SP140: variants seen among roughly 807,000 people sequenced by gnomAD.
SP140 encodes SP140 nuclear body protein, also known as nuclear body protein SP140.
A neutral mutation model predicts 125.0 loss-of-function variants in SP140; 81 were observed. The observed-to-expected ratio is 0.65, with a 90% confidence interval of 0.54 to 0.78. The LOEUF (loss-of-function observed/expected upper bound fraction) is 0.78, where lower values mean the gene tolerates loss of function less well. Ranked by LOEUF, SP140 falls within the 30% of genes least tolerant of loss-of-function variation. SP140 has a pLI of 0.00. For synonymous variants in SP140, 312 were observed against 354.0 expected (o/e 0.88, Z 1.33); for missense variants, 858 against 1,037.0 (o/e 0.83, Z 2.37).
upstream of SP140, chr2:230,201,093 A>G (rs1024141677): frequency 7.9e-6 from 6 of 761,722 alleles, no homozygotes; most frequent in Admixed American, 9.3e-5. Flanking sequence ...CCTCCTAACA[A>G]TGCATCTACC....
chr2:230,246,995 A>G (rs1035535292), intron 7 of SP140, among the ~76,000 whole-genome samples: 24 of 152,130 alleles, frequency 1.6e-4, no homozygotes, highest in African/African-American at 5.8e-4. Context: ...CTAGACAGAA[A>G]TAACTTCTGG....
intron 15 of SP140, among the ~76,000 whole-genome samples, chr2:230,284,049 G>C (rs2056017627): frequency 6.6e-6 from 1 of 152,156 alleles, no homozygotes. Flanking sequence ...AAAGCAACAT[G>C]AAACAGCAGT....
intron 3 of SP140, among the ~76,000 whole-genome samples, chr2:230,240,064 A>C (rs1376277756): frequency 6.6e-6 from 1 of 152,196 alleles, no homozygotes; most frequent in African/African-American, 2.4e-5. Context: ...CTATGAGTAG[A>C]AATGTGAGAA....
rs769440433 is a variant in SP140, at chr2:230,225,805, G to A, written c.-40G>A. ...CCTCAGAGCTGCAGGAAGGAACGGG[G>A]CAGTGAAAATCGAATCGGGTGTGAT... is the stretch of plus-strand genomic sequence containing the variant. On this transcript the variant is annotated 5_prime_UTR_variant, in exon 1 of 27. Coordinates refer to ENST00000392045, the MANE Select transcript of SP140 (RefSeq NM_007237.5). The A allele has an allele frequency of 2.0e-5, 32 of 1,565,276 alleles. No individual in the cohort carries two copies. The highest frequency in any genetic ancestry group is 3.3e-4 in the Middle Eastern group (2 of 5,978).
At chr2:230,278,479 T>C (rs2055044455) in intron 15 of SP140, among the ~76,000 whole-genome samples, 1 of 152,246 alleles carries the variant, frequency 6.6e-6, no homozygotes, top group South Asian at 2.1e-4. Context: ...TTATTTCATT[T>C]GCTGTACAAA....
intron 21 of SP140, among the ~76,000 whole-genome samples, chr2:230,295,568 G>A (rs2057623335): frequency 1.3e-5 from 2 of 152,164 alleles, no homozygotes; most frequent in Non-Finnish European, 2.9e-5. Context: ...TCTATATGTT[G>A]TGTCTCCTCA....
the SP140 span, among the ~76,000 whole-genome samples, chr2:230,187,164 A>AT: frequency 2.7e-4 from 41 of 150,576 alleles, 1 homozygote; most frequent in Middle Eastern, 0.017. Context: ...GTTAACATCT[A>AT]TTTTTTTTTG....
chr2:230,255,471 G>A lies in SP140; in HGVS notation c.1179G>A (p.Ser393=), dbSNP rs774513983. The stretch of plus-strand genomic sequence containing the variant: ...CTGCAGAGGGCAGTGATGACTGTTC[G>A]GAAATGTGTGATGGAGAAGAGCGCC... ...GEGEEGSDDC[S]EMCDGEERQE... is the part of the protein sequence containing the mutation. The change falls in exon 12 of 27, where the codon TCG becomes TCA. Residue 393 remains serine (S), a synonymous_variant. Coordinates refer to ENST00000392045, the MANE Select transcript of SP140 (RefSeq NM_007237.5). 7.3e-5 allele frequency: 118 copies of A among 1,613,846 alleles called. 1 individual carries two copies. The highest frequency in any genetic ancestry group is 4.7e-4 in the Admixed American group (28 of 60,002).
chr2:230,237,219 G>A lies in SP140; in HGVS notation c.196G>A (p.Gly66Ser), dbSNP rs755683857. Residue 66 changes from glycine (G) to serine (S), a missense_variant, in exon 2 of 27, where the codon GGC (glycine) becomes AGC (serine). Coordinates refer to ENST00000392045, the MANE Select transcript of SP140 (RefSeq NM_007237.5). The surrounding 1 kb of genome is among the most constrained non-coding windows in gnomAD (Gnocchi z 5.4). Reference protein sequence around the residue: ...AITRPFPFLMGLRDRSFISEQ... With the variant: ...AITRPFPFLMSLRDRSFISEQ... ...AACAAGGCCATTTCCTTTCCTTATG[G>A]GCCTCCGAGACCGCTCCTTCATCTC... The A allele has an allele frequency of 6.2e-7, 1 of 1,611,616 alleles. No homozygotes were observed. Among genetic ancestry groups the A allele is most frequent in the Admixed American group, 1.7e-5 (1 of 58,988 alleles).
chr2:230,280,585 A>G (rs963245617), intron 15 of SP140, among the ~76,000 whole-genome samples: 5 of 152,042 alleles, frequency 3.3e-5, no homozygotes. Context: ...ATGGATTGGT[A>G]TAAAACTATA....
At chr2:230,214,086 T>C (rs888171476) in intron 3 of SP140, 2 of 152,252 alleles carry the variant, frequency 1.3e-5, no homozygotes, top group Non-Finnish European at 2.9e-5. Context: ...TAAGTGAACA[T>C]GTGATTTGGC....
chr2:230,284,255 GA>G (rs1021828809), intron 15 of SP140, 90 bp from the exon 16 acceptor site: 37 of 1,294,138 alleles, frequency 2.9e-5, no homozygotes, highest in Middle Eastern at 2.0e-4. Context: ...ACCAAAGTAT[GA>G]AAAAAAATCT....
At chr2:230,308,250 G>A (rs1486949541) in intron 22 of SP140, among the ~76,000 whole-genome samples, 1 of 151,844 alleles carries the variant, frequency 6.6e-6, no homozygotes, top group Non-Finnish European at 1.5e-5. Context: ...AAGGGTGGAG[G>A]AGGGTGAGGG....
chr2:230,285,740 G>A lies in SP140; in HGVS notation c.1565-12G>A, dbSNP rs746799387. 13 of 1,609,046 alleles carry A rather than the reference G, an allele frequency of 8.1e-6. No individual in the cohort carries two copies. Among genetic ancestry groups the A allele is most frequent in the African/African-American group, 1.3e-5 (1 of 74,758 alleles). Reference sequence around the variant, plus strand: ...CAGTTCTATTAATACATTTTCCCCTGCCTATCCCCAGATAATAGCAAAGCC... The same window carrying A: ...CAGTTCTATTAATACATTTTCCCCTACCTATCCCCAGATAATAGCAAAGCC... On this transcript the variant is annotated splice_polypyrimidine_tract_variant and intron_variant, in intron 16 of 26. Transcript: ENST00000392045.
At chr2:230,201,066 G>A (rs1487771710), upstream of SP140, 1 of 887,368 alleles carries the variant, frequency 1.1e-6, no homozygotes, top group African/African-American at 1.6e-5. Flanking sequence ...TTGAGTCTTG[G>A]AGGCTCCAGG....
At chr2:230,243,034 AGCATCCAAAG>A (rs1301379345) in intron 4 of SP140, among the ~76,000 whole-genome samples, 1 of 152,230 alleles carries the variant, frequency 6.6e-6, no homozygotes, top group Non-Finnish European at 1.5e-5. Context: ...GTTTTTAAGT[AGCATCCAAAG>A]GCATCCACAA....
chr2:230,219,945 A>T lies in SP140; in HGVS notation c.-90-5810A>T, dbSNP rs574917389. 7 of 985,342 alleles carry T rather than the reference A, an allele frequency of 7.1e-6. No homozygotes were observed. The African/African-American group carries it at 1.2e-4, about 17-fold the overall frequency. 61.0% of individuals were successfully genotyped at this position (985,342 alleles called of 1,614,324 possible). The stretch of plus-strand genomic sequence containing the variant: ...AGGGATCACTCCTCAAGATTGGGAG[A>T]GTTACAGGGAGATGCTAGCAGGCAA... On this transcript the variant is annotated intron_variant, in intron 3 of 4. Transcript: ENST00000456542.
chr2:230,250,266 C>A (rs1470198344), intron 9 of SP140, among the ~76,000 whole-genome samples: 1 of 152,190 alleles, frequency 6.6e-6, no homozygotes, highest in South Asian at 2.1e-4. Flanking sequence ...TCCCCTTAGA[C>A]GCGGTGATCT....
At chr2:230,190,978 G>A in the SP140 span, among the ~76,000 whole-genome samples, 1 of 152,208 alleles carries the variant, frequency 6.6e-6, no homozygotes, top group East Asian at 1.9e-4. Flanking sequence ...ATTGTTCAAA[G>A]TCAGGTAGTG....
Sources: gnomAD v4.1 joint callset for allele counts (sites outside exome capture counted in the v4.1 genomes callset) on GRCh38, gnomAD v4.1.1 for gene constraint, Gnocchi (gnomAD v3.1) non-coding constraint, MANE v1.5 for transcripts, NCBI Gene and HGNC (gene_info 2026-07-23, HGNC 2026-07-21) for gene names.